The following AKAP10 variants were observed in gnomAD, a reference collection of about 807,000 sequenced individuals.
The protein encoded by AKAP10 is A-kinase anchoring protein 10.
In AKAP10, 24 loss-of-function variants were observed where a neutral mutation model predicts 80.8. The observed-to-expected ratio is 0.30, with a 90% confidence interval of 0.22 to 0.42. The LOEUF (loss-of-function observed/expected upper bound fraction) is 0.42. AKAP10 is among the 10% of genes least tolerant of loss of function. AKAP10 has a pLI of 1.00. For synonymous variants in AKAP10, 291 were observed against 277.7 expected (o/e 1.05, Z -0.48); for missense variants, 661 against 794.9 (o/e 0.83, Z 2.03).
intron 4 of AKAP10, among the ~76,000 whole-genome samples, chr17:19,947,779 T>C (rs995466778): frequency 6.6e-6 from 1 of 152,150 alleles, no homozygotes; most frequent in African/African-American, 2.4e-5. Context: ...TTATAACGTA[T>C]CTGAACAGGA....
Position 19,947,443 on chromosome 17 carries a change from T to C in AKAP10, c.940A>G (p.Ile314Val). ...KYISPDAAKP[I>V]PITEAMRNDI... Reference sequence around the variant, plus strand: ...TTTCTCATTGCTTCTGTAATTGGTATTGGTTTAGCAGCATCTGGAGATATA... The same window carrying C: ...TTTCTCATTGCTTCTGTAATTGGTACTGGTTTAGCAGCATCTGGAGATATA... The change falls in exon 5 of 15, where the codon ATA becomes GTA. Residue 314 changes from isoleucine (I) to valine (V), a missense_variant. Physicochemically the swap from Ile to Val is conservative, Grantham distance 29. Transcript: ENST00000225737. The C allele has an allele frequency of 3.7e-6, 6 of 1,612,266 alleles. No homozygotes were observed. The highest frequency in any genetic ancestry group is 5.1e-6 in the Non-Finnish European group (6 of 1,178,338).
chr17:19,957,709 G>A (rs1384395878), intron 4 of AKAP10, among the ~76,000 whole-genome samples: 2 of 152,068 alleles, frequency 1.3e-5, no homozygotes, highest in African/African-American at 4.8e-5. Flanking sequence ...AATTAAGACC[G>A]AGGGAGGAAA....
Position 19,947,139 on chromosome 17 carries a change from C to T in AKAP10, c.976+268G>A, listed in dbSNP as rs1214585729. The T allele has an allele frequency of 1.7e-5, 7 of 415,172 alleles. No individual in the cohort carries two copies. In the Admixed American group the frequency reaches 2.0e-4, roughly 12 times the overall value. The allele number at this position is 415,172 out of a possible 1,614,324, so 25.7% of individuals were successfully genotyped here. A position where few individuals can be genotyped will look rare whatever the true frequency, so the allele number is the denominator to read the frequency against. On this transcript the variant is annotated intron_variant, in intron 5 of 14. Coordinates refer to ENST00000225737, the MANE Select transcript of AKAP10 (RefSeq NM_007202.4). Reference sequence around the variant, plus strand: ...GTCTGTGCCGGTTAGCGTAGCCGCCCGCCGGCCCGGCTGCTCAGCAGCGGG... The same window carrying T: ...GTCTGTGCCGGTTAGCGTAGCCGCCTGCCGGCCCGGCTGCTCAGCAGCGGG...
intron 11 of AKAP10, among the ~76,000 whole-genome samples, chr17:19,923,159 C>T (rs1425544203): frequency 1.3e-5 from 2 of 151,894 alleles, no homozygotes; most frequent in Non-Finnish European, 2.9e-5. Flanking sequence ...CTCACTGCAA[C>T]CTCCGCCTCC....
chr17:19,950,256 T>TAAG, intron 4 of AKAP10, among the ~76,000 whole-genome samples: 1 of 152,010 alleles, frequency 6.6e-6, no homozygotes, highest in Admixed American at 6.5e-5. Flanking sequence ...ATAAATAAAT[T>TAAG]TAAGGAAAAA....
chr17:19,974,170 G>A (rs939083913), intron 1 of AKAP10, among the ~76,000 whole-genome samples: 3 of 151,988 alleles, frequency 2.0e-5, no homozygotes, highest in African/African-American at 4.8e-5. Flanking sequence ...CAGCTTGAAC[G>A]ATAAGAGCGA....
intron 5 of AKAP10, among the ~76,000 whole-genome samples, chr17:19,946,237 T>TATTTA (rs1491288818): frequency 6.6e-5 from 1 of 15,184 alleles, no homozygotes; most frequent in Non-Finnish European, 1.0e-4. Context: ...TATATATATA[T>TATTTA]TATATATATA....
chr17:19,944,401 C>T (rs2043081337), intron 5 of AKAP10, among the ~76,000 whole-genome samples: 1 of 152,052 alleles, frequency 6.6e-6, no homozygotes, highest in African/African-American at 2.4e-5. Flanking sequence ...CCTGTAACCT[C>T]AGCACTTTGG....
chr17:19,907,410 CTTTTT>C (rs59027197), intron 14 of AKAP10, among the ~76,000 whole-genome samples: 2 of 136,412 alleles, frequency 1.5e-5, no homozygotes, highest in African/African-American at 2.7e-5. Flanking sequence ...TTTTCTTTAA[CTTTTT>C]TTTTTTTTTT....
At chr17:19,976,502 A>G (rs1354413830) in intron 1 of AKAP10, among the ~76,000 whole-genome samples, 1 of 151,558 alleles carries the variant, frequency 6.6e-6, no homozygotes, top group Admixed American at 6.6e-5. Context: ...CAAAAAAAGA[A>G]AACAAAACCC....
chr17:19,931,813 C>T lies in AKAP10; in HGVS notation c.1633G>A (p.Ala545Thr), dbSNP rs1260383117. ...ACGCAATCAGTCAATACCTGAGACG[C>T]AGAGCTGTCAGAACTCCCTGGGTGA... is the stretch of plus-strand genomic sequence containing the variant. ...ESHPGSSDSSASQSSVKKASI... is the reference protein window; with the variant it reads ...ESHPGSSDSSTSQSSVKKASI... Residue 545 changes from alanine to threonine, a missense_variant, in exon 10 of 15, where the codon GCG (alanine) becomes ACG (threonine). Coordinates refer to ENST00000225737, the MANE Select transcript of AKAP10 (RefSeq NM_007202.4). 8.1e-6 allele frequency: 13 copies of T among 1,613,028 alleles called. No individual in the cohort carries two copies. Among genetic ancestry groups the T allele is most frequent in the Non-Finnish European group, 1.1e-5 (13 of 1,179,770 alleles).
intron 4 of AKAP10, among the ~76,000 whole-genome samples, chr17:19,954,554 G>A (rs1243707732): frequency 1.1e-4 from 16 of 148,920 alleles, no homozygotes; most frequent in Non-Finnish European, 2.2e-4. Flanking sequence ...GCGCGATCTC[G>A]GCTCACTGCA....
At chr17:19,944,919 T>A (rs927193522) in intron 5 of AKAP10, among the ~76,000 whole-genome samples, 14 of 152,230 alleles carry the variant, frequency 9.2e-5, no homozygotes, top group South Asian at 4.2e-4. Flanking sequence ...CTATGCAAAG[T>A]GGGTACACAG....
chr17:19,958,677 A>C (rs888516371), intron 3 of AKAP10, 106 bp from the exon 4 acceptor site: 7 of 925,138 alleles, frequency 7.6e-6, no homozygotes, highest in African/African-American at 1.7e-5. Flanking sequence ...ACCTTGAATA[A>C]AGTTTACTTC....
intron 1 of AKAP10, among the ~76,000 whole-genome samples, chr17:19,971,195 T>C (rs2043493180): frequency 1.3e-5 from 2 of 151,950 alleles, no homozygotes; most frequent in African/African-American, 4.8e-5. Context: ...TTTAATGGCA[T>C]TATTCTGCAC....
At chr17:19,953,112 A>T (rs918580342) in intron 4 of AKAP10, among the ~76,000 whole-genome samples, 78 of 152,156 alleles carry the variant, frequency 5.1e-4, no homozygotes, top group African/African-American at 1.8e-3. Context: ...GAAAAATAAC[A>T]GGAAAAAAGT....
At position 19,946,220 on chromosome 17, in the gene AKAP10, T is replaced by TATA. The variant is rs61226955; in HGVS notation, c.976+1186_976+1187insTAT. Among the ~76,000 whole-genome samples, 16 of 36,618 alleles carry TATA rather than the reference T, an allele frequency of 4.4e-4. 1 individual carries two copies. Among genetic ancestry groups the TATA allele is most frequent in the Admixed American group, 2.6e-3 (6 of 2,328 alleles). 24.0% of individuals were successfully genotyped at this position (36,618 alleles called of 152,430 possible). On this transcript the variant is annotated intron_variant, in intron 5 of 14. Transcript: ENST00000225737. ...TACATATATTTTATATATATATATA[T>TATA]TTTATATATATATATATTATATATA...
chr17:19,911,206 G>T (rs973074398), intron 12 of AKAP10, among the ~76,000 whole-genome samples: 3 of 152,138 alleles, frequency 2.0e-5, no homozygotes, highest in Non-Finnish European at 4.4e-5. Context: ...TCAACTGGCT[G>T]TTGAATCACC....
intron 4 of AKAP10, among the ~76,000 whole-genome samples, chr17:19,954,171 C>T (rs959371765): frequency 2.0e-5 from 3 of 152,088 alleles, no homozygotes; most frequent in Non-Finnish European, 4.4e-5. Context: ...CTTCCCAATT[C>T]GTTTTATAAG....
Sources: gnomAD v4.1 joint callset for allele counts (sites outside exome capture counted in the v4.1 genomes callset) on GRCh38, gnomAD v4.1.1 for gene constraint, MANE v1.5 for transcripts, NCBI Gene and HGNC (gene_info 2026-07-23, HGNC 2026-07-21) for gene names.